ZNF782: variants seen among roughly 807,000 people sequenced by gnomAD.
ZNF782 encodes zinc finger protein 782.
A neutral mutation model predicts 13.0 loss-of-function variants in ZNF782; 12 were observed. That is an observed-to-expected ratio of 0.92 (90% CI 0.59 to 1.50). The LOEUF is 1.50. ZNF782 is among the 40% of genes most tolerant of loss of function. ZNF782 has a pLI of 0.00. For synonymous variants in ZNF782, 284 were observed against 283.0 expected, an observed-to-expected ratio of 1.00 and a Z score of -0.04; for missense variants, 770 against 822.9, an observed-to-expected ratio of 0.94 and a Z score of 0.79.
the ZNF782 span, among the ~76,000 whole-genome samples, chr9:96,911,233 A>G: frequency 9.5e-4 from 135 of 142,082 alleles, no homozygotes; most frequent in African/African-American, 2.8e-3. Context: ...AGGTCAGGAG[A>G]TGGAGACCAT....
At chr9:96,838,453 A>G (rs752442425) in intron 4 of ZNF782, among the ~76,000 whole-genome samples, 4 of 152,188 alleles carry the variant, frequency 2.6e-5, no homozygotes, top group Admixed American at 6.5e-5. Context: ...ATACTGACAG[A>G]GCGGTGTTTA....
At chr9:96,881,767 C>T in the ZNF782 span, among the ~76,000 whole-genome samples, 2 of 152,018 alleles carry the variant, frequency 1.3e-5, no homozygotes, top group Non-Finnish European at 2.9e-5. Context: ...TATTCTCCTC[C>T]ATTTATTTAT....
At chr9:96,862,752 A>AAGCTAGTGTGCCT (rs1216957204) in intron 1 of ZNF782, among the ~76,000 whole-genome samples, 10 of 152,370 alleles carry the variant, frequency 6.6e-5, no homozygotes, top group Admixed American at 1.3e-4. Flanking sequence ...AAAGTTGAAG[A>AAGCTAGTGTGCCT]AGCTAGTGTG....
chr9:96,917,284 G>A, the ZNF782 span, among the ~76,000 whole-genome samples: 1 of 144,180 alleles, frequency 6.9e-6, no homozygotes, highest in Non-Finnish European at 1.5e-5. Flanking sequence ...TTCGCATCTA[G>A]AAATGTATTC....
intron 4 of ZNF782, among the ~76,000 whole-genome samples, chr9:96,835,142 T>C (rs1850949501): frequency 1.3e-5 from 2 of 152,150 alleles, no homozygotes; most frequent in Non-Finnish European, 2.9e-5. Flanking sequence ...AAGGCAGAAC[T>C]TAAGAGTGGT....
At position 96,819,526 on chromosome 9, in the gene ZNF782, T is replaced by G. The variant is rs140237274; in HGVS notation, c.497A>C (p.Asn166Thr). ...QYSKEKAHER[N>T]VCDKWLISIK... The stretch of plus-strand genomic sequence containing the variant: ...ACTGATGAGCCATTTGTCACAAACA[T>G]TACGCTCATGAGCCTTTTCTTTTGA... Residue 166 changes from asparagine to threonine, a missense_variant, in exon 6 of 6, where the codon AAT (asparagine) becomes ACT (threonine). Transcript: ENST00000481138. The G allele has an allele frequency of 2.0e-5, 32 of 1,612,914 alleles. No individual in the cohort carries two copies. In the African/African-American group the frequency reaches 2.9e-4, roughly 15 times the overall value.
the ZNF782 span, among the ~76,000 whole-genome samples, chr9:96,922,707 G>A: frequency 6.6e-6 from 1 of 151,288 alleles, no homozygotes; most frequent in Non-Finnish European, 1.5e-5. Context: ...CCGGGAGGCG[G>A]AGTTTGCAGT....
chr9:96,834,481 G>A (rs1333443111), intron 4 of ZNF782, among the ~76,000 whole-genome samples: 1 of 152,180 alleles, frequency 6.6e-6, no homozygotes, highest in East Asian at 1.9e-4. Context: ...CAATGGGCGT[G>A]AGTTCTTGCT....
chr9:96,918,079 T>C, the ZNF782 span, among the ~76,000 whole-genome samples: 2 of 151,088 alleles, frequency 1.3e-5, no homozygotes, highest in Non-Finnish European at 3.0e-5. Flanking sequence ...AAAGTCATTT[T>C]ATGGGAGAAT....
upstream of ZNF782, among the ~76,000 whole-genome samples, chr9:96,856,564 C>T (rs1422635684): frequency 2.0e-5 from 3 of 152,266 alleles, no homozygotes; most frequent in Non-Finnish European, 4.4e-5. Flanking sequence ...AACTCCTCTA[C>T]ATTCCCTTGT....
chr9:96,819,731 C>G lies in ZNF782; in HGVS notation c.292G>C (p.Gly98Arg). The G allele has an allele frequency of 6.2e-7, 1 of 1,610,724 alleles. No individual in the cohort carries two copies. Among genetic ancestry groups the G allele is most frequent in the African/African-American group, 1.3e-5 (1 of 74,660 alleles). Reference protein sequence around the residue: ...EISEKSPENQGKHLLQVLFTN... With the variant: ...EISEKSPENQRKHLLQVLFTN... ...AATAAAACTTGCAACAAATGTTTGC[C>G]TTGATTTTCTGGGCTCTTCTCTGAG... is the stretch of plus-strand genomic sequence containing the variant. Residue 98 changes from glycine to arginine, a missense_variant, in exon 6 of 6, where the codon GGC becomes CGC. Physicochemically the swap from Gly to Arg is moderately radical, Grantham distance 125. Coordinates refer to ENST00000481138, the MANE Select transcript of ZNF782 (RefSeq NM_001001662.3).
intron 4 of ZNF782, among the ~76,000 whole-genome samples, chr9:96,828,979 G>A (rs569284875): frequency 6.6e-6 from 1 of 150,702 alleles, no homozygotes; most frequent in African/African-American, 2.4e-5. Flanking sequence ...CTGACTTCTT[G>A]TTAGAAATTT....
intron 1 of ZNF782, among the ~76,000 whole-genome samples, chr9:96,867,554 C>G (rs762457165): frequency 6.6e-6 from 1 of 152,212 alleles, no homozygotes; most frequent in Non-Finnish European, 1.5e-5. Context: ...TACCAAAAGG[C>G]ATATCATAAA....
intron 4 of ZNF782, among the ~76,000 whole-genome samples, chr9:96,836,261 G>A (rs531578987): frequency 1.4e-5 from 2 of 147,982 alleles, no homozygotes; most frequent in South Asian, 4.3e-4. Context: ...TGCCCAGGCT[G>A]GAGTGCAATG....
the ZNF782 span, among the ~76,000 whole-genome samples, chr9:96,886,424 A>G: frequency 6.6e-6 from 1 of 152,188 alleles, no homozygotes; most frequent in Admixed American, 6.5e-5. Flanking sequence ...TCTACACCTA[A>G]TATGGTGTTC....
chr9:96,916,649 A>T, the ZNF782 span, among the ~76,000 whole-genome samples: 3 of 151,968 alleles, frequency 2.0e-5, no homozygotes, highest in African/African-American at 4.8e-5. Context: ...CAACCTGGAC[A>T]CTCCTATAGC....
chr9:96,849,320 G>A (rs1851427001), intron 3 of ZNF782, among the ~76,000 whole-genome samples: 1 of 152,222 alleles, frequency 6.6e-6, no homozygotes. Flanking sequence ...TGATCTGACA[G>A]GAGGTAGAGC....
Position 96,819,073 on chromosome 9 carries a change from T to C in ZNF782, c.950A>G (p.Lys317Arg), listed in dbSNP as rs1003121165. 1.9e-6 allele frequency: 3 copies of C among 1,614,174 alleles called. No individual in the cohort carries two copies. Among genetic ancestry groups the C allele is most frequent in the Admixed American group, 3.3e-5 (2 of 60,028 alleles). The stretch of plus-strand genomic sequence containing the variant: ...GAGGGTTGAATTACGGTTGAAACTT[T>C]TTCCATATTCAAAGGGTTTCACCCC... ...HIGVKPFEYG[K>R]SFNRNSTLPV... The change falls in exon 6 of 6, where the codon AAA becomes AGA. Residue 317 changes from lysine (K) to arginine (R), a missense_variant. Physicochemically the swap from Lys to Arg is conservative, Grantham distance 26 (BLOSUM62 2). Coordinates refer to ENST00000481138, the MANE Select transcript of ZNF782 (RefSeq NM_001001662.3).
At chr9:96,879,449 G>A (rs921886354), upstream of ZNF782, among the ~76,000 whole-genome samples, 3 of 152,218 alleles carry the variant, frequency 2.0e-5, no homozygotes, top group African/African-American at 4.8e-5. Context: ...CTTGCGGTGA[G>A]CCCAGATCGC....
Sources: allele counts gnomAD v4.1 joint callset (sites outside exome capture counted in the v4.1 genomes callset), GRCh38; gene constraint gnomAD v4.1.1; transcripts MANE v1.5; gene names NCBI Gene and HGNC (gene_info 2026-07-23, HGNC 2026-07-21).